The following CCL26 variants were observed in gnomAD, a reference collection of about 807,000 sequenced individuals.
CCL26 encodes the protein C-C motif chemokine ligand 26.
CCL26 carries 10 observed loss-of-function variants against 10.7 expected under a neutral mutation model. That is an observed-to-expected ratio of 0.93 (90% CI 0.57 to 1.58). CCL26 has a LOEUF of 1.58. Ranked by LOEUF, CCL26 falls within the 40% of genes most tolerant of loss-of-function variation. The probability of loss-of-function intolerance (pLI) is 0.00; values close to 1 mark genes in which losing one functional copy is unlikely to be tolerated. For missense variants in CCL26, 116 were observed against 111.0 expected (o/e 1.05, Z -0.20); for synonymous variants, 43 against 41.4 (o/e 1.04, Z -0.15).
rs1370347633 is a variant in CCL26, at chr7:75,770,420, T to C, written c.189-631A>G. Among the ~76,000 whole-genome samples the C allele has an allele frequency of 1.5e-4, 22 of 151,596 alleles. 1 individual carries two copies. In the East Asian group the frequency reaches 1.8e-3, roughly 12 times the overall value. Reference sequence around the variant, plus strand: ...TTTTGAGACGGAGTTTCACTCTTGTTGCCCAGGCTGGAGTGCAATGGCGCG... The same window carrying C: ...TTTTGAGACGGAGTTTCACTCTTGTCGCCCAGGCTGGAGTGCAATGGCGCG... On this transcript the variant is annotated intron_variant, in intron 2 of 2. Transcript: ENST00000005180.
At chr7:75,779,363 C>T (rs113869926) in intron 1 of CCL26, among the ~76,000 whole-genome samples, 1,548 of 152,264 alleles carry the variant, frequency 0.01, 13 homozygotes, top group Non-Finnish European at 0.014. Flanking sequence ...AATCCCATGT[C>T]CTCCTGCTCT....
intron 1 of CCL26, among the ~76,000 whole-genome samples, chr7:75,777,228 A>G (rs782765475): frequency 2.6e-4 from 40 of 152,148 alleles, no homozygotes; most frequent in Non-Finnish European, 4.6e-4. Context: ...GTGAAACTCC[A>G]TCTTAAAAAA....
chr7:75,791,275 T>C (rs2115713833), upstream of CCL26, among the ~76,000 whole-genome samples: 1 of 152,240 alleles, frequency 6.6e-6, no homozygotes, highest in South Asian at 2.1e-4. Flanking sequence ...TCCACCCGCC[T>C]CAGCTCCCAA....
chr7:75,779,169 C>G, intron 1 of CCL26, among the ~76,000 whole-genome samples: 1 of 152,086 alleles, frequency 6.6e-6, no homozygotes, highest in South Asian at 2.1e-4. Flanking sequence ...ATTACCTACC[C>G]AAATCCTATA....
At chr7:75,771,250 A>G (rs573936948) in intron 2 of CCL26, among the ~76,000 whole-genome samples, 7 of 152,232 alleles carry the variant, frequency 4.6e-5, no homozygotes, top group Non-Finnish European at 8.8e-5. Flanking sequence ...TTATAATTCA[A>G]TGGTTTTTAG....
chr7:75,769,537 C>A (rs879968290), downstream of CCL26: 59 of 532,556 alleles, frequency 1.1e-4, no homozygotes, highest in Non-Finnish European at 1.9e-4. Context: ...AACAAGTCAA[C>A]TCTATGAACA....
Position 75,787,651 on chromosome 7 carries a change from C to CAAAAAAAAAAAA in CCL26, c.-79+2054_-79+2065dup, listed in dbSNP as rs55770109. ...CAGAGTGAGACTCCGTCTCCAAAAGCAAAAAAAAAAAAAAAAAAAAAAAGA... is the reference window on the plus strand; with the variant it reads ...CAGAGTGAGACTCCGTCTCCAAAAGCAAAAAAAAAAAAAAAAAAAAAAAAAAAAAAAAAAAGA... On this transcript the variant is annotated intron_variant, in intron 1 of 3. Transcript: ENST00000394905. Among the ~76,000 whole-genome samples, 103 of 27,728 alleles carry CAAAAAAAAAAAA rather than the reference C, an allele frequency of 3.7e-3. 5 individuals are homozygous for CAAAAAAAAAAAA. Among genetic ancestry groups the CAAAAAAAAAAAA allele is most frequent in the Middle Eastern group, 0.083 (1 of 12 alleles). 18.2% of individuals were successfully genotyped at this position (27,728 alleles called of 152,430 possible). A position where few individuals can be genotyped will look rare whatever the true frequency, so the allele number is the denominator to read the frequency against.
intron 1 of CCL26, among the ~76,000 whole-genome samples, chr7:75,781,255 A>G (rs1803054871): frequency 6.6e-6 from 1 of 152,252 alleles, no homozygotes; most frequent in Admixed American, 6.5e-5. Flanking sequence ...TTCAAGGTAT[A>G]CAATAATAGA....
intron 1 of CCL26, among the ~76,000 whole-genome samples, chr7:75,788,758 G>A (rs549586660): frequency 3.8e-4 from 57 of 151,888 alleles, no homozygotes; most frequent in African/African-American, 1.4e-3. Flanking sequence ...AAAGATGGGA[G>A]TCAGAAGAGT....
intron 1 of CCL26, among the ~76,000 whole-genome samples, chr7:75,779,594 G>A (rs1341371549): frequency 6.6e-6 from 1 of 152,154 alleles, no homozygotes; most frequent in Non-Finnish European, 1.5e-5. Flanking sequence ...AGAGACAAAG[G>A]AGATGCGTTT....
chr7:75,788,556 C>T (rs1454527550), intron 1 of CCL26, among the ~76,000 whole-genome samples: 1 of 151,904 alleles, frequency 6.6e-6, no homozygotes, highest in Non-Finnish European at 1.5e-5. Context: ...CACATGGACG[C>T]GAGTGAAACC....
upstream of CCL26, among the ~76,000 whole-genome samples, chr7:75,776,958 C>T (rs1040018571): frequency 1.3e-5 from 2 of 151,952 alleles, no homozygotes; most frequent in South Asian, 2.1e-4. Context: ...TGGCCAGGCG[C>T]GGTGGCTCAC....
In CCL26 at chr7:75,778,552, T is replaced by C. The variant is rs1453108381; in HGVS notation, c.-78-6298A>G. ...TGCATTTCTCTAATGATTAGTGATG[T>C]TGAGCATTTTTTTTTTTAATGTACC... On this transcript the variant is annotated intron_variant, in intron 1 of 3. Coordinates refer to the CCL26 transcript ENST00000394905. 4.0e-5 allele frequency among the ~76,000 whole-genome samples: 3 copies of C among 74,948 alleles called. No individual in the cohort carries two copies. In the East Asian group the frequency reaches 1.1e-3, roughly 28 times the overall value. 49.2% of individuals were successfully genotyped at this position (74,948 alleles called of 152,430 possible).
At chr7:75,773,415 C>T (rs1802872486), upstream of CCL26, among the ~76,000 whole-genome samples, 2 of 150,428 alleles carry the variant, frequency 1.3e-5, no homozygotes, top group African/African-American at 4.9e-5. Context: ...CAGACCAAGA[C>T]TGTCTCAAAA....
intron 1 of CCL26, among the ~76,000 whole-genome samples, chr7:75,777,456 G>T (rs1554528890): frequency 1.3e-5 from 2 of 151,966 alleles, no homozygotes; most frequent in East Asian, 3.9e-4. Flanking sequence ...AGGGGAAAAA[G>T]TCAGATATAA....
At chr7:75,780,423 A>G (rs782310556) in intron 1 of CCL26, among the ~76,000 whole-genome samples, 1 of 152,014 alleles carries the variant, frequency 6.6e-6, no homozygotes, top group Admixed American at 6.6e-5. Flanking sequence ...GTTCTCAAAA[A>G]CTTTTAAAAC....
rs868938129 is a variant in CCL26 at position 75,782,192 on chromosome 7, C to T, written c.-79+7525G>A. ...TCTCTCCCTTCTCTTAATTTCAATT[C>T]CTTTCATTTTCTGGTACAGACAAAG... On this transcript the variant is annotated intron_variant, in intron 1 of 3. Transcript: ENST00000394905. Among the ~76,000 whole-genome samples the T allele has an allele frequency of 9.9e-5, 15 of 152,278 alleles. No homozygotes were observed. The South Asian group carries it at 3.1e-3, about 32-fold the overall frequency.
intron 1 of CCL26, 27 bp downstream of exon 1, chr7:75,772,077 C>T (rs562999632): frequency 1.9e-6 from 3 of 1,607,066 alleles, no homozygotes; most frequent in East Asian, 2.2e-5. Context: ...GAAGGAACCC[C>T]AGGAGGGGAA....
chr7:75,787,651 C>CAAAAAAAAAAAAAAAAAAAAAAAAAAA, intron 1 of CCL26, among the ~76,000 whole-genome samples: 1 of 27,748 alleles, frequency 3.6e-5, no homozygotes, highest in Non-Finnish European at 5.8e-5. Context: ...TCTCCAAAAG[C>CAAAAAAAAAAAAAAAAAAAAAAAAAAA]AAAAAAAAAA....
Sources: allele counts gnomAD v4.1 joint callset (sites outside exome capture counted in the v4.1 genomes callset), GRCh38; gene constraint gnomAD v4.1.1; transcripts MANE v1.5; gene names NCBI Gene and HGNC (gene_info 2026-07-23, HGNC 2026-07-21).